Variants in RASA3 observed in about 807,000 individuals in gnomAD.
The protein encoded by RASA3 is ras GTPase-activating protein 3.
A neutral mutation model predicts 110.0 loss-of-function variants in RASA3; 73 were observed. That is an observed-to-expected ratio of 0.66 (90% CI 0.55 to 0.81). The LOEUF is 0.81. RASA3 is among the 30% of genes least tolerant of loss of function. RASA3 has a pLI of 0.00. For missense variants in RASA3, 976 were observed against 1,113.2 expected, an observed-to-expected ratio of 0.88 and a Z score of 1.75; for synonymous variants, 500 against 451.4, an observed-to-expected ratio of 1.11 and a Z score of -1.37.
At chr13:114,128,659 G>A (rs529092587) in intron 1 of RASA3, among the ~76,000 whole-genome samples, 9 of 152,384 alleles carry the variant, frequency 5.9e-5, no homozygotes, top group South Asian at 2.1e-4. Flanking sequence ...AGGCACCAGC[G>A]GTTCAATGTT....
At chr13:114,031,073 CTG>C (rs1366634635) in intron 4 of RASA3, among the ~76,000 whole-genome samples, 3 of 149,538 alleles carry the variant, frequency 2.0e-5, no homozygotes, top group Admixed American at 1.3e-4. Flanking sequence ...GTGCATGCGA[CTG>C]TGTGTCTACC....
intron 3 of RASA3, among the ~76,000 whole-genome samples, chr13:114,045,695 A>C (rs1488173778): frequency 6.6e-6 from 1 of 152,268 alleles, no homozygotes; most frequent in South Asian, 2.1e-4. Flanking sequence ...CAGAGAACAC[A>C]AAGTCAGTGT....
intron 4 of RASA3, 125 bp downstream of exon 4, chr13:114,040,875 C>G: frequency 1.1e-6 from 1 of 879,776 alleles, no homozygotes; most frequent in Non-Finnish European, 1.8e-6. Flanking sequence ...GCAATCTGCT[C>G]ATCGTTATTC....
At position 113,979,345 on chromosome 13, in the gene RASA3, C is replaced by T. The variant is rs761334374; in HGVS notation, c.*2G>A. The T allele has an allele frequency of 6.3e-7, 1 of 1,590,928 alleles. No individual in the cohort carries two copies. Among genetic ancestry groups the T allele is most frequent in the South Asian group, 1.1e-5 (1 of 90,600 alleles). ...GGCGCCACTGGGCGCGTCCCGCAGA[C>T]TTTAAATGGAATGAGTGGAGGTCTC... is the stretch of plus-strand genomic sequence containing the variant. On this transcript the variant is annotated 3_prime_UTR_variant, in exon 24 of 24. Transcript: ENST00000334062.
At chr13:114,058,908 T>C (rs1481532747) in intron 2 of RASA3, among the ~76,000 whole-genome samples, 1 of 152,222 alleles carries the variant, frequency 6.6e-6, no homozygotes, top group Non-Finnish European at 1.5e-5. Context: ...TTTAAATACC[T>C]GCATCCAGGC....
Position 114,018,875 on chromosome 13 carries a change from G to A in RASA3, c.830C>T (p.Pro277Leu). The A allele has an allele frequency of 1.2e-6, 2 of 1,613,958 alleles. No homozygotes were observed. The highest frequency in any genetic ancestry group is 1.1e-5 in the South Asian group (1 of 91,080). ...CAGCCGCAGGGAGCCCAGGTCGTCT[G>A]GCTTTAGGCTCTTGCTACCATTGTC... ...PRDNGSKSLKPDDLGSLRLNV... is the reference protein window; with the variant it reads ...PRDNGSKSLKLDDLGSLRLNV... The change falls in exon 10 of 24, where the codon CCA becomes CTA. Residue 277 changes from proline (P) to leucine (L), a missense_variant. Transcript: ENST00000334062.
chr13:114,043,613 G>A (rs777505562), intron 3 of RASA3, among the ~76,000 whole-genome samples: 36 of 152,094 alleles, frequency 2.4e-4, no homozygotes, highest in Non-Finnish European at 4.9e-4. Context: ...GAGCTGCACG[G>A]GACGCTGAAA....
At chr13:113,996,845 G>T in intron 20 of RASA3, 106 bp from the exon 21 acceptor site, 1 of 1,005,784 alleles carries the variant, frequency 9.9e-7, no homozygotes, top group Non-Finnish European at 1.5e-6. Context: ...CGTAAGAGGG[G>T]ACGCTGAGGG....
intron 3 of RASA3, among the ~76,000 whole-genome samples, chr13:114,042,258 A>G (rs1329884605): frequency 6.7e-6 from 1 of 148,320 alleles, no homozygotes; most frequent in Non-Finnish European, 1.5e-5. Context: ...TCATGGCACC[A>G]CCATGTCAAC....
At position 113,992,448 on chromosome 13, in the gene RASA3, C is replaced by T. The variant is rs2053140933; in HGVS notation, c.2245+37G>A. The T allele has an allele frequency of 5.2e-6, 8 of 1,547,682 alleles. No individual in the cohort carries two copies. The Middle Eastern group carries it at 1.0e-3, about 196-fold the overall frequency. ...TGAGGCCGGGGCCTCGCCAGCCATCCCCTCGCTGCACAGATCTGTGTGCCG... is the reference window on the plus strand; with the variant it reads ...TGAGGCCGGGGCCTCGCCAGCCATCTCCTCGCTGCACAGATCTGTGTGCCG... On this transcript the variant is annotated intron_variant, in intron 22 of 23. Coordinates refer to ENST00000334062, the MANE Select transcript of RASA3 (RefSeq NM_007368.4).
At chr13:114,102,394 A>G (rs537088738) in intron 1 of RASA3, among the ~76,000 whole-genome samples, 1 of 150,616 alleles carries the variant, frequency 6.6e-6, no homozygotes, top group East Asian at 1.9e-4. Context: ...ACGGAGACAG[A>G]GAGACGGTGA....
chr13:114,130,470 G>C lies in RASA3; in HGVS notation c.55+1965C>G, dbSNP rs76585522. ...ACTGGCTTGTTTAAAGTGGAGCACA[G>C]AGCCTGACCAAGTTGTGGCATCTCC... On this transcript the variant is annotated intron_variant, in intron 1 of 23. Coordinates refer to ENST00000334062, the MANE Select transcript of RASA3 (RefSeq NM_007368.4). Among the ~76,000 whole-genome samples, 200 of 152,364 alleles carry C rather than the reference G, an allele frequency of 1.3e-3. 4 individuals are homozygous for C. The East Asian group carries it at 0.035, about 27-fold the overall frequency.
rs141531465 is a variant in RASA3, at chr13:114,100,621, G to A, written c.56-26784C>T. ...AGCAGTTGGGAAGAAGGCGGCTGAC[G>A]TGGCTTCCATGGAAAATGCCAGAAA... On this transcript the variant is annotated intron_variant, in intron 1 of 23. Transcript: ENST00000334062. Among the ~76,000 whole-genome samples, 80 of 152,348 alleles carry A rather than the reference G, an allele frequency of 5.3e-4. 1 individual carries two copies. The highest frequency in any genetic ancestry group is 1.2e-3 in the African/African-American group (48 of 41,584).
chr13:114,069,051 G>A (rs1393534823), intron 2 of RASA3, among the ~76,000 whole-genome samples: 2 of 152,328 alleles, frequency 1.3e-5, no homozygotes, highest in Admixed American at 6.5e-5. Context: ...GCGGCCCAGG[G>A]GCCCGGGCCA....
intron 22 of RASA3, among the ~76,000 whole-genome samples, chr13:113,991,443 G>C (rs1227787189): frequency 6.6e-6 from 1 of 152,196 alleles, no homozygotes; most frequent in Non-Finnish European, 1.5e-5. Context: ...TTCTGAGTGG[G>C]ACTCAAGGGC....
chr13:114,030,999 G>A (rs919796697), intron 4 of RASA3, among the ~76,000 whole-genome samples: 9 of 150,068 alleles, frequency 6.0e-5, no homozygotes, highest in African/African-American at 1.2e-4. Flanking sequence ...CTGTGTGTGC[G>A]GCTGTGTGTC....
At chr13:114,082,350 A>G (rs1185686588) in intron 1 of RASA3, among the ~76,000 whole-genome samples, 3 of 152,242 alleles carry the variant, frequency 2.0e-5, no homozygotes, top group Non-Finnish European at 4.4e-5. Context: ...GCCTGCACAC[A>G]TATCGGCTGC....
At chr13:114,038,030 T>C (rs767045968) in intron 4 of RASA3, among the ~76,000 whole-genome samples, 1 of 151,884 alleles carries the variant, frequency 6.6e-6, no homozygotes, top group Non-Finnish European at 1.5e-5. Flanking sequence ...CTGTGTACTG[T>C]TTTGATGCCT....
chr13:114,047,071 C>T (rs1254375205), intron 3 of RASA3, among the ~76,000 whole-genome samples: 1 of 152,154 alleles, frequency 6.6e-6, no homozygotes, highest in Non-Finnish European at 1.5e-5. Flanking sequence ...ATGTGATAAA[C>T]TGGACCATCG....
Sources: allele counts gnomAD v4.1 joint callset (sites outside exome capture counted in the v4.1 genomes callset), GRCh38; gene constraint gnomAD v4.1.1; transcripts MANE v1.5; gene names NCBI Gene and HGNC (gene_info 2026-07-23, HGNC 2026-07-21).